The following EGFLAM variants were observed in gnomAD, a reference collection of about 807,000 sequenced individuals.
EGFLAM encodes pikachurin.
A neutral mutation model predicts 113.1 loss-of-function variants in EGFLAM; 79 were observed. The observed-to-expected ratio is 0.70, with a 90% confidence interval of 0.58 to 0.84. The LOEUF is 0.84. Among genes scored for constraint, EGFLAM ranks in the 40% least tolerant of loss-of-function variants. EGFLAM has a pLI of 0.00. For missense variants in EGFLAM, 1,265 were observed against 1,291.6 expected (o/e 0.98, Z 0.32); for synonymous variants, 504 against 487.6 (o/e 1.03, Z -0.44).
At chr5:38,370,649 T>A (rs1740184793) in intron 6 of EGFLAM, among the ~76,000 whole-genome samples, 187 bp downstream of exon 6, 1 of 152,240 alleles carries the variant, frequency 6.6e-6, no homozygotes, top group Non-Finnish European at 1.5e-5. Context: ...GGGCTGTTTC[T>A]ATGTCCTGGA....
intron 17 of EGFLAM, chr5:38,445,555 C>G: frequency 1.3e-6 from 2 of 1,589,758 alleles, no homozygotes; most frequent in East Asian, 2.2e-5. Flanking sequence ...TCTGGACTCT[C>G]GGGCAGAGCT....
Position 38,303,954 on chromosome 5 carries a change from G to A in EGFLAM, c.98-33566G>A, listed in dbSNP as rs143201374. 9.1e-3 allele frequency among the ~76,000 whole-genome samples: 1,372 copies of A among 151,364 alleles called. 23 individuals are homozygous for A. The highest frequency in any genetic ancestry group is 0.032 in the African/African-American group (1,309 of 40,992). ...AGTTCAAGACCAGCCTGGCCAATATGGTGAAACCTTGTCTCTACTAAAAAG... is the reference window on the plus strand; with the variant it reads ...AGTTCAAGACCAGCCTGGCCAATATAGTGAAACCTTGTCTCTACTAAAAAG... On this transcript the variant is annotated intron_variant, in intron 1 of 21. Transcript: ENST00000322350.
At chr5:38,358,261 C>G (rs558753816) in intron 5 of EGFLAM, among the ~76,000 whole-genome samples, 1 of 151,278 alleles carries the variant, frequency 6.6e-6, no homozygotes, top group South Asian at 2.1e-4. Context: ...CTGGCTAACA[C>G]GATGAAACCC....
chr5:38,375,575 T>TAAC (rs1307519148), intron 6 of EGFLAM, among the ~76,000 whole-genome samples: 1 of 152,202 alleles, frequency 6.6e-6, no homozygotes. Flanking sequence ...TAAGAAAAGA[T>TAAC]AACACTTCAG....
At position 38,264,283 on chromosome 5, in the gene EGFLAM, T is replaced by A. The variant is rs1579700054; in HGVS notation, c.97+5432T>A. ...TCAAGTCAGCGTTCAGAGTTCAAGG[T>A]TTTCCCTGGAGTATCTGGGTGTCCA... On this transcript the variant is annotated intron_variant, in intron 1 of 21. Transcript: ENST00000322350. Among the ~76,000 whole-genome samples the A allele has an allele frequency of 2.6e-5, 4 of 152,262 alleles. No individual in the cohort carries two copies. The South Asian group carries it at 8.3e-4, about 32-fold the overall frequency.
chr5:38,407,398 T>C (rs937514484), intron 8 of EGFLAM, among the ~76,000 whole-genome samples: 4 of 152,226 alleles, frequency 2.6e-5, no homozygotes, highest in Non-Finnish European at 5.9e-5. Context: ...TAAATCATCC[T>C]GATACTATCT....
At chr5:38,289,429 A>C (rs926644554) in intron 1 of EGFLAM, among the ~76,000 whole-genome samples, 1 of 152,198 alleles carries the variant, frequency 6.6e-6, no homozygotes, top group South Asian at 2.1e-4. Flanking sequence ...AGCAGCCACA[A>C]ACCTCAATGG....
chr5:38,392,861 G>A (rs148536076), intron 6 of EGFLAM, among the ~76,000 whole-genome samples: 5,989 of 152,104 alleles, frequency 0.039, 384 homozygotes, highest in African/African-American at 0.13. Flanking sequence ...AGGCCCCGGT[G>A]TGTGATGTTC....
chr5:38,264,020 G>A (rs1757569693), intron 1 of EGFLAM, among the ~76,000 whole-genome samples: 1 of 152,134 alleles, frequency 6.6e-6, no homozygotes, highest in Admixed American at 6.5e-5. Context: ...TCTCTACAAG[G>A]TTCTGTCAGT....
chr5:38,422,831 A>AT (rs1741877956), intron 12 of EGFLAM, among the ~76,000 whole-genome samples: 1 of 152,192 alleles, frequency 6.6e-6, no homozygotes, highest in African/African-American at 2.4e-5. Flanking sequence ...ATGGAAATAC[A>AT]TACCCAGCTC....
intron 10 of EGFLAM, among the ~76,000 whole-genome samples, chr5:38,412,099 C>T (rs1387794196): frequency 1.3e-5 from 2 of 152,154 alleles, no homozygotes; most frequent in Non-Finnish European, 2.9e-5. Context: ...CATGCCTGGC[C>T]TAATGTCAAC....
chr5:38,430,854 G>A (rs1172917981), intron 14 of EGFLAM, among the ~76,000 whole-genome samples: 1 of 152,200 alleles, frequency 6.6e-6, no homozygotes, highest in South Asian at 2.1e-4. Context: ...AGCTGATGAT[G>A]TAAGTCTTGG....
chr5:38,263,870 A>G (rs1351212326), intron 1 of EGFLAM, among the ~76,000 whole-genome samples: 1 of 152,140 alleles, frequency 6.6e-6, no homozygotes, highest in Non-Finnish European at 1.5e-5. Flanking sequence ...AAGCACTCTT[A>G]TGCTTGGTGG....
chr5:38,367,823 T>TA (rs764917882), intron 5 of EGFLAM, among the ~76,000 whole-genome samples: 5 of 152,182 alleles, frequency 3.3e-5, no homozygotes. Flanking sequence ...AACACTCAAA[T>TA]AAAAAACTCA....
intron 1 of EGFLAM, among the ~76,000 whole-genome samples, chr5:38,266,740 T>C (rs1025164239): frequency 6.6e-6 from 1 of 152,140 alleles, no homozygotes; most frequent in African/African-American, 2.4e-5. Context: ...GTAATTGTCT[T>C]GGGGGAAGTT....
Position 38,451,297 on chromosome 5 carries a change from T to C in EGFLAM, c.2544-18T>C, listed in dbSNP as rs745540645. The C allele has an allele frequency of 6.2e-7, 1 of 1,608,690 alleles. No homozygotes were observed. Among genetic ancestry groups the C allele is most frequent in the Non-Finnish European group, 8.5e-7 (1 of 1,176,320 alleles). ...GTTGGTGGTTGATTTGGTGGACTTA[T>C]TTGTGTATTTCCTCCAGGGTGTCAG... is the stretch of plus-strand genomic sequence containing the variant. On this transcript the variant is annotated intron_variant, in intron 18 of 21. Transcript: ENST00000322350.
intron 6 of EGFLAM, chr5:38,403,851 G>C: frequency 1.2e-6 from 2 of 1,613,920 alleles, no homozygotes; most frequent in Non-Finnish European, 8.5e-7. Context: ...CTGGCACACA[G>C]ATACGCTGCA....
intron 1 of EGFLAM, among the ~76,000 whole-genome samples, chr5:38,326,283 C>A (rs190765899): frequency 6.6e-6 from 1 of 152,334 alleles, no homozygotes; most frequent in African/African-American, 2.4e-5. Context: ...CCTCGAGAAT[C>A]CAGGACATAG....
At chr5:38,346,411 A>G (rs946308262) in intron 3 of EGFLAM, 2 of 152,202 alleles carry the variant, frequency 1.3e-5, no homozygotes, top group African/African-American at 4.8e-5. Flanking sequence ...CTATTTTGCC[A>G]CTGACTAAAT....
Sources: gnomAD v4.1 joint callset for allele counts (sites outside exome capture counted in the v4.1 genomes callset) on GRCh38, gnomAD v4.1.1 for gene constraint, MANE v1.5 for transcripts, NCBI Gene and HGNC (gene_info 2026-07-23, HGNC 2026-07-21) for gene names.